The following TAF11L11 variants were observed in gnomAD, a reference collection of about 807,000 sequenced individuals.
The protein encoded by TAF11L11 is TATA-box-binding protein-associated factor 11-like protein 11.
Position 17,604,677 on chromosome 5 carries a change from C to G in TAF11L11, c.-104C>G, listed in dbSNP as rs896657609. ...AACTGGCACAGCAGAAACACAGAAG[C>G]TAAACTCTTTGAGAGGTTCTCATTG... On this transcript the variant is annotated 5_prime_UTR_variant, in exon 1 of 1. Coordinates refer to ENST00000510838, the Ensembl canonical transcript of TAF11L11. 4 of 357,590 alleles carry G rather than the reference C, an allele frequency of 1.1e-5. 1 individual carries two copies. Among genetic ancestry groups the G allele is most frequent in the African/African-American group, 8.5e-5 (4 of 47,220 alleles). 22.2% of individuals were successfully genotyped at this position (357,590 alleles called of 1,614,324 possible). A position where few individuals can be genotyped will look rare whatever the true frequency, so the allele number is the denominator to read the frequency against.
exon 1 of TAF11L11, chr5:17,604,746 C>T (rs750444593): frequency 1.1e-5 from 4 of 379,340 alleles, no homozygotes; most frequent in Non-Finnish European, 1.9e-5. Flanking sequence ...TCTGCCTGTA[C>T]AGCTGCTGTC....
chr5:17,605,831 C>G (rs941231570), downstream of TAF11L11, among the ~76,000 whole-genome samples: 2 of 151,352 alleles, frequency 1.3e-5, no homozygotes, highest in South Asian at 2.1e-4. Context: ...TTTCAATGCT[C>G]ATATGTATTT....
rs569578481 is a variant in TAF11L11 at position 17,604,925 on chromosome 5, C to G, written c.145C>G (p.Gln49Glu). ...GGATCAGGAAAGTGAGCTCAGGAGT[C>G]AGGATGTCATGGACCTCACAGAAGG... The change falls in exon 1 of 1, where the codon CAG becomes GAG. Residue 49 changes from glutamine (Q) to glutamate (E), a missense_variant. Transcript: ENST00000510838. The G allele has an allele frequency of 2.2e-4, 87 of 392,050 alleles. 5 individuals carry two copies. The highest frequency in any genetic ancestry group is 2.6e-4 in the South Asian group (2 of 7,764). The allele number at this position is 392,050 out of a possible 1,614,324, so 24.3% of individuals were successfully genotyped here.
exon 1 of TAF11L11, chr5:17,605,012 G>C (rs1191699834): frequency 2.5e-6 from 1 of 393,926 alleles, no homozygotes; most frequent in Non-Finnish European, 4.5e-6. Flanking sequence ...AGATACCAAG[G>C]GGAAGAAGGA....
chr5:17,604,188 C>G (rs1479933819), exon 1 of TAF11L11: 1 of 151,562 alleles, frequency 6.6e-6, no homozygotes, highest in South Asian at 2.1e-4. Context: ...TGATTACACT[C>G]CCCTGTGGAG....
At chr5:17,605,422 C>T (rs59814734), downstream of TAF11L11, 2,284 of 392,036 alleles carry the variant, frequency 5.8e-3, 133 homozygotes, top group African/African-American at 0.044. Flanking sequence ...GAATAAGTAT[C>T]GCATTCATCT....
chr5:17,605,304 T>TACGG, the TAF11L11 span: 1 of 394,280 alleles, frequency 2.5e-6, no homozygotes, highest in Non-Finnish European at 4.5e-6. Flanking sequence ...CCCAAGCATT[T>TACGG]ACGGGAGGCT....
chr5:17,605,252 C>G (rs1483192190), exon 1 of TAF11L11: 2 of 395,228 alleles, frequency 5.1e-6, no homozygotes, highest in African/African-American at 2.1e-5. Flanking sequence ...GGAAGAGGCC[C>G]TGGACGTGTG....
exon 1 of TAF11L11, chr5:17,604,905 A>G (rs1739134468): frequency 2.6e-6 from 1 of 391,720 alleles, no homozygotes; most frequent in East Asian, 3.6e-5. Context: ...CCCAGGGATC[A>G]GGAAAGTGAG....
At chr5:17,605,748 T>C (rs925730490), downstream of TAF11L11, among the ~76,000 whole-genome samples, 3 of 151,512 alleles carry the variant, frequency 2.0e-5, no homozygotes, top group African/African-American at 4.9e-5. Flanking sequence ...GTGTCTTAGC[T>C]TGTATGCTTA....
downstream of TAF11L11, among the ~76,000 whole-genome samples, chr5:17,605,637 G>T (rs574826302): frequency 4.0e-5 from 6 of 151,356 alleles, no homozygotes; most frequent in Non-Finnish European, 5.9e-5. Context: ...AAGAATCAAG[G>T]TGCCTGGGCC....
exon 1 of TAF11L11, chr5:17,605,325 T>C: frequency 2.5e-6 from 1 of 394,150 alleles, no homozygotes; most frequent in Non-Finnish European, 4.5e-6. Flanking sequence ...GTTCGCAGGT[T>C]AAAGCCCAAG....
chr5:17,605,622 G>T (rs56736235), downstream of TAF11L11, among the ~76,000 whole-genome samples: 2,125 of 151,408 alleles, frequency 0.014, 124 homozygotes, highest in African/African-American at 0.05. Context: ...TGTCTTTCTA[G>T]TTGGAAGAAT....
downstream of TAF11L11, among the ~76,000 whole-genome samples, chr5:17,605,782 C>A (rs916934614): frequency 1.3e-5 from 2 of 151,404 alleles, no homozygotes; most frequent in Admixed American, 6.6e-5. Flanking sequence ...GTAATTGAAG[C>A]TTCCAGAAAT....
exon 1 of TAF11L11, chr5:17,604,229 G>A (rs1739114225): frequency 6.6e-6 from 1 of 151,614 alleles, no homozygotes; most frequent in Admixed American, 6.6e-5. Flanking sequence ...GCACACCCAG[G>A]GAGCCTCACA....
In TAF11L11 at chr5:17,605,248, G is replaced by T. The variant is rs959877073; in HGVS notation, c.468G>T (p.Glu156Asp). ...TCTTTGTGGGAGAGGTGGTGGAAGA[G>T]GCCCTGGACGTGTGCGAAATGTGGG... Residue 156 changes from glutamate to aspartate, a missense_variant, in exon 1 of 1, where the codon GAG becomes GAT. Physicochemically the swap from Glu to Asp is conservative, Grantham distance 45. Transcript: ENST00000510838. 9 of 395,340 alleles carry T rather than the reference G, an allele frequency of 2.3e-5. 1 individual carries two copies. Among genetic ancestry groups the T allele is most frequent in the Middle Eastern group, 6.3e-4 (1 of 1,580 alleles). The allele number at this position is 395,340 out of a possible 1,614,324, so 24.5% of individuals were successfully genotyped here.
rs114145032 is a variant in TAF11L11, at chr5:17,605,306, C to A, written c.526C>A (p.Arg176=). 4.1e-5 allele frequency: 16 copies of A among 394,038 alleles called. 1 individual carries two copies. The highest frequency in any genetic ancestry group is 1.3e-4 in the South Asian group (1 of 7,796). The allele number at this position is 394,038 out of a possible 1,614,324, so 24.4% of individuals were successfully genotyped here. A position where few individuals can be genotyped will look rare whatever the true frequency, so the allele number is the denominator to read the frequency against. The change falls in exon 1 of 1, where the codon CGG becomes AGG. Residue 176 remains arginine (R), a synonymous_variant. Coordinates refer to ENST00000510838, the Ensembl canonical transcript of TAF11L11. ...GCCCCCGCTGCAGCCCAAGCATTTA[C>A]GGGAGGCTGTTCGCAGGTTAAAGCC...
At chr5:17,605,467 T>TGC, downstream of TAF11L11, 2 of 389,018 alleles carry the variant, frequency 5.1e-6, no homozygotes, top group Non-Finnish European at 4.5e-6. Flanking sequence ...GGAGCTTCCT[T>TGC]ATCTCAGTCC....
In TAF11L11 at chr5:17,604,979, C is replaced by A. The variant is rs1383801528; in HGVS notation, c.199C>A (p.Pro67Thr). ...CAATGAAGCGTCAGCCTCAACTCCT[C>A]CTTCAGCTAAAAGGCAGAAAACAGA... Residue 67 changes from proline to threonine, a missense_variant, in exon 1 of 1, where the codon CCT (proline) becomes ACT (threonine). Pro to Thr is a conservative substitution (Grantham distance 38, BLOSUM62 -1). Transcript: ENST00000510838. The A allele has an allele frequency of 1.0e-5, 4 of 393,118 alleles. 1 individual carries two copies. Among genetic ancestry groups the A allele is most frequent in the Non-Finnish European group, 1.8e-5 (4 of 222,648 alleles). The allele number at this position is 393,118 out of a possible 1,614,324, so 24.4% of individuals were successfully genotyped here.
Sources: gnomAD v4.1 joint callset for allele counts (sites outside exome capture counted in the v4.1 genomes callset) on GRCh38, gnomAD v4.1.1 for gene constraint, MANE v1.5 for transcripts, NCBI Gene and HGNC (gene_info 2026-07-23, HGNC 2026-07-21) for gene names.